Variants in NHS observed in about 807,000 individuals in gnomAD.
NHS encodes the protein actin remodeling regulator NHS.
Under a neutral mutation model 72.5 loss-of-function variants are expected in NHS, and 5 were observed. That is an observed-to-expected ratio of 0.07 (90% confidence interval 0.04 to 0.14). The LOEUF (loss-of-function observed/expected upper bound fraction) is 0.14. NHS is among the 10% of genes least tolerant of loss of function. The probability of loss-of-function intolerance (pLI) is 1.00; values close to 1 mark genes in which losing one functional copy is unlikely to be tolerated. For synonymous variants in NHS, 464 were observed against 547.7 expected (o/e 0.85, Z 2.13); for missense variants, 1,072 against 1,355.7 (o/e 0.79, Z 3.29).
At chrX:17,594,972 T>A (rs752217820) in intron 1 of NHS, among the ~76,000 whole-genome samples, 1 of 112,152 alleles carries the variant, frequency 8.9e-6, no homozygotes, top group South Asian at 3.8e-4. Flanking sequence ...TGATTCCCAT[T>A]GGCCAAGGGC....
chrX:17,447,809 A>ACACACACACACACACACACG (rs1569256645), intron 1 of NHS, among the ~76,000 whole-genome samples: 8 of 110,058 alleles, frequency 7.3e-5, no homozygotes, highest in African/African-American at 2.6e-4. Context: ...ACACACACAC[A>ACACACACACACACACACACG]CACACACACA....
chrX:17,570,758 G>C (rs2065473638), intron 1 of NHS, among the ~76,000 whole-genome samples: 1 of 111,717 alleles, frequency 9.0e-6, no homozygotes, highest in Admixed American at 9.5e-5. Flanking sequence ...GGTTTTCAAA[G>C]GGAATGCTTC....
intron 1 of NHS, among the ~76,000 whole-genome samples, chrX:17,451,506 C>A (rs773380649): frequency 2.7e-5 from 3 of 112,419 alleles, no homozygotes; most frequent in Non-Finnish European, 5.6e-5. Context: ...TGCATTTAAT[C>A]TTTGTGACTT....
intron 3 of NHS, among the ~76,000 whole-genome samples, chrX:17,695,947 G>A (rs1421810099): frequency 1.8e-5 from 2 of 108,670 alleles, no homozygotes; most frequent in Non-Finnish European, 3.8e-5. Flanking sequence ...AAAAAAGGGG[G>A]GGGGTATCTA....
At chrX:17,495,183 AC>A (rs778908241) in intron 1 of NHS, among the ~76,000 whole-genome samples, 38 of 111,462 alleles carry the variant, frequency 3.4e-4, no homozygotes, top group Non-Finnish European at 5.8e-4. Flanking sequence ...ATTACATGAT[AC>A]TCTGTGTTTA....
intron 1 of NHS, among the ~76,000 whole-genome samples, chrX:17,459,960 G>C (rs947415057): frequency 5.4e-5 from 6 of 112,135 alleles, no homozygotes; most frequent in African/African-American, 1.9e-4. Flanking sequence ...AGTTTTGGCA[G>C]TGGGAGGGAC....
chrX:17,463,165 A>G (rs2064855790), intron 1 of NHS, among the ~76,000 whole-genome samples: 2 of 112,250 alleles, frequency 1.8e-5, no homozygotes, highest in Non-Finnish European at 3.8e-5. Flanking sequence ...TTAAGTAAAA[A>G]ATCTGACAAC....
chrX:17,584,714 G>A (rs1262994308), intron 1 of NHS, among the ~76,000 whole-genome samples: 1 of 111,622 alleles, frequency 9.0e-6, no homozygotes, highest in Non-Finnish European at 1.9e-5. Flanking sequence ...AGCATCCCCA[G>A]TCACTTGAGG....
intron 1 of NHS, among the ~76,000 whole-genome samples, chrX:17,665,483 T>A (rs947489801): frequency 1.9e-5 from 2 of 107,155 alleles, no homozygotes; most frequent in Non-Finnish European, 3.9e-5. Flanking sequence ...GCCCGCCACC[T>A]CGCCCGGCTA....
intron 1 of NHS, among the ~76,000 whole-genome samples, chrX:17,587,574 T>G (rs1365387256): frequency 2.7e-5 from 3 of 112,368 alleles, no homozygotes; most frequent in Non-Finnish European, 5.6e-5. Flanking sequence ...GTGCGAATAA[T>G]GTAAAAATGA....
At chrX:17,554,965 C>T (rs1018625075) in intron 1 of NHS, among the ~76,000 whole-genome samples, 10 of 110,692 alleles carry the variant, frequency 9.0e-5, no homozygotes, top group African/African-American at 1.6e-4. Flanking sequence ...CCGTCATCTA[C>T]GTTAAGCTAT....
chrX:17,566,924 C>A (rs1040621393), intron 1 of NHS, among the ~76,000 whole-genome samples: 13 of 111,041 alleles, frequency 1.2e-4, no homozygotes, highest in Non-Finnish European at 2.5e-4. Flanking sequence ...CAGACCCACC[C>A]GGGCACTGAG....
intron 1 of NHS, among the ~76,000 whole-genome samples, chrX:17,574,307 T>G (rs985747491): frequency 2.7e-5 from 3 of 112,394 alleles, no homozygotes; most frequent in Non-Finnish European, 3.8e-5. Context: ...AGAGAGACAG[T>G]CGGCCTTGCT....
At chrX:17,391,144 C>T (rs1308592109) in intron 1 of NHS, among the ~76,000 whole-genome samples, 1 of 111,459 alleles carries the variant, frequency 9.0e-6, no homozygotes, top group Non-Finnish European at 1.9e-5. Context: ...CTCTGTGGCC[C>T]GGCCAGCCTG....
chrX:17,484,299 A>G (rs1301845785), intron 1 of NHS, among the ~76,000 whole-genome samples: 1 of 112,529 alleles, frequency 8.9e-6, no homozygotes, highest in Non-Finnish European at 1.9e-5. Flanking sequence ...CCTTGGTAAC[A>G]TAAAGTCTTG....
intron 1 of NHS, among the ~76,000 whole-genome samples, chrX:17,408,008 TTTGTTGTTG>T (rs748327064): frequency 9.0e-6 from 1 of 111,007 alleles, no homozygotes; most frequent in African/African-American, 3.3e-5. Flanking sequence ...TATATGTATT[TTTGTTGTTG>T]TTGTTGTTGT....
Position 17,726,883 on chromosome X carries a change from A to C in NHS, c.2777A>C (p.Gln926Pro), listed in dbSNP as rs771571948. The change falls in exon 7 of 9, where the codon CAG becomes CCG. Residue 926 changes from glutamine to proline, a missense_variant. Gln to Pro is a moderately conservative substitution (Grantham distance 76, BLOSUM62 -1). Transcript: ENST00000676302. ...NQSEQGIKEP[Q>P]LDASDIPPFK... is the part of the protein sequence containing the mutation. Reference sequence around the variant, plus strand: ...AGTGAACAAGGCATTAAGGAACCTCAGTTAGATGCTTCGGATATTCCACCA... The same window carrying C: ...AGTGAACAAGGCATTAAGGAACCTCCGTTAGATGCTTCGGATATTCCACCA... 1 of 1,212,062 alleles carries C rather than the reference A, an allele frequency of 8.3e-7. No individual in the cohort carries two copies. Among genetic ancestry groups the C allele is most frequent in the East Asian group, 3.0e-5 (1 of 33,845 alleles).
intron 1 of NHS, among the ~76,000 whole-genome samples, chrX:17,564,489 G>T (rs1046345632): frequency 8.9e-6 from 1 of 111,840 alleles, no homozygotes; most frequent in Non-Finnish European, 1.9e-5. Flanking sequence ...GTGCAATTTG[G>T]GGGTTTCAAA....
chrX:17,679,861 G>T (rs897361314), intron 1 of NHS, among the ~76,000 whole-genome samples: 5 of 72,134 alleles, frequency 6.9e-5, no homozygotes, highest in Non-Finnish European at 1.1e-4. Flanking sequence ...ATGAAGAAAG[G>T]GGGGGGGGGT....
Sources: allele counts gnomAD v4.1 joint callset (sites outside exome capture counted in the v4.1 genomes callset), GRCh38; gene constraint gnomAD v4.1.1; transcripts MANE v1.5; gene names NCBI Gene and HGNC (gene_info 2026-07-23, HGNC 2026-07-21).